The following STARD7 variants were observed in gnomAD, a reference collection of about 807,000 sequenced individuals.
STARD7 encodes stAR-related lipid transfer protein 7, mitochondrial.
Under a neutral mutation model 45.3 loss-of-function variants are expected in STARD7, and 30 were observed. The observed-to-expected ratio is 0.66, with a 90% confidence interval of 0.50 to 0.90. The LOEUF (loss-of-function observed/expected upper bound fraction) is 0.90, where lower values mean the gene tolerates loss of function less well. STARD7 is among the 40% of genes least tolerant of loss of function. The pLI is 0.00. For synonymous variants in STARD7, 199 were observed against 183.0 expected (o/e 1.09, Z -0.70); for missense variants, 495 against 491.3 (o/e 1.01, Z -0.07).
chr2:96,188,260 CCAAGA>C (rs1683067880), intron 6 of STARD7: 1 of 135,480 alleles, frequency 7.4e-6, no homozygotes, highest in Admixed American at 7.9e-5. Flanking sequence ...GGGTGACAGA[CCAAGA>C]CTTTTTTTTT....
Position 96,186,756 on chromosome 2 carries a change from C to T in STARD7, c.1087G>A (p.Gly363Ser), listed in dbSNP as rs1683043910. ...CAAGCATACTCAATCCGAGCAGGGCCACAGCTGCCCTCGTTCTTTCGCTCA... is the reference window on the plus strand; with the variant it reads ...CAAGCATACTCAATCCGAGCAGGGCTACAGCTGCCCTCGTTCTTTCGCTCA... The part of the protein sequence containing the change: ...SSERKNEGSC[G>S]PARIEYA The change falls in exon 8 of 8, where the codon GGC becomes AGC. Residue 363 changes from glycine to serine, a missense_variant. Transcript: ENST00000337288. The T allele has an allele frequency of 6.2e-7, 1 of 1,612,696 alleles. No individual in the cohort carries two copies. Among genetic ancestry groups the T allele is most frequent in the South Asian group, 1.1e-5 (1 of 90,826 alleles).
rs1436909374 is a variant in STARD7, at chr2:96,208,260, C to A, written c.175G>T (p.Gly59Cys). The A allele has an allele frequency of 6.2e-7, 1 of 1,611,856 alleles. No individual in the cohort carries two copies. Among genetic ancestry groups the A allele is most frequent in the Non-Finnish European group, 8.5e-7 (1 of 1,179,440 alleles). The change falls in exon 1 of 8, where the codon GGC becomes TGC. Residue 59 changes from glycine (G) to cysteine (C), a missense_variant. By Grantham distance (159) the Gly-to-Cys change is radical. This residue lies in a region of STARD7 where 282 missense variants were observed against 220.1 expected (regional missense o/e 1.28). Transcript: ENST00000337288. ...CCGTGCAGCCGGCGCCAGAGGCGGC[C>A]GAGGAGAACGCGGCGTGAGCTCTCG... The part of the protein sequence containing the change: ...YSESSRRVLL[G>C]RLWRRLHGRP...
chr2:96,198,785 TATA>T (rs1683261473), intron 1 of STARD7, among the ~76,000 whole-genome samples: 1 of 152,228 alleles, frequency 6.6e-6, no homozygotes, highest in Admixed American at 6.5e-5. Context: ...AACTTATGCC[TATA>T]TTTTCTTCTA....
At chr2:96,206,419 G>C (rs1029351337) in intron 1 of STARD7, among the ~76,000 whole-genome samples, 2 of 152,022 alleles carry the variant, frequency 1.3e-5, no homozygotes, top group African/African-American at 4.8e-5. Context: ...ATTCCAACTG[G>C]AGATTTTCCT....
intron 6 of STARD7, among the ~76,000 whole-genome samples, chr2:96,190,212 G>A (rs1683104194): frequency 6.6e-6 from 1 of 152,112 alleles, no homozygotes; most frequent in South Asian, 2.1e-4. Flanking sequence ...AAGCAAGACA[G>A]CTTCTGGGGT....
In STARD7 at chr2:96,184,908, G is replaced by A. The variant is rs1181751504; in HGVS notation, c.*1822C>T. 2 of 152,614 alleles carry A rather than the reference G, an allele frequency of 1.3e-5. No homozygotes were observed. Among genetic ancestry groups the A allele is most frequent in the African/African-American group, 2.4e-5 (1 of 41,446 alleles). 9.5% of individuals were successfully genotyped at this position (152,614 alleles called of 1,614,324 possible). On this transcript the variant is annotated 3_prime_UTR_variant, in exon 8 of 8. Transcript: ENST00000337288. The stretch of plus-strand genomic sequence containing the variant: ...ATTTATTCACACATTTGATAAAAAT[G>A]TCACAGTTAGGAGTGAAATCATTAC...
chr2:96,206,685 C>CA (rs1683395789), intron 1 of STARD7, among the ~76,000 whole-genome samples: 1 of 151,386 alleles, frequency 6.6e-6, no homozygotes, highest in Non-Finnish European at 1.5e-5. Flanking sequence ...CCTGTAGTCC[C>CA]AGCTACTCGG....
At position 96,208,290 on chromosome 2, in the gene STARD7, A is replaced by G. The variant is rs1487845912; in HGVS notation, c.145T>C (p.Tyr49His). The change falls in exon 1 of 8, where the codon TAC (tyrosine) becomes CAC (histidine). Residue 49 changes from tyrosine (Y) to histidine (H), a missense_variant. This residue lies in a region of STARD7 where 282 missense variants were observed against 220.1 expected (regional missense o/e 1.28). Transcript: ENST00000337288. Reference sequence around the variant, plus strand: ...AGAACGCGGCGTGAGCTCTCGGAGTAGAGGCGGCCGTAGAGCTGCGCGATC... The same window carrying G: ...AGAACGCGGCGTGAGCTCTCGGAGTGGAGGCGGCCGTAGAGCTGCGCGATC... ...QQIAQLYGRL[Y>H]SESSRRVLLG... 1 of 1,610,490 alleles carries G rather than the reference A, an allele frequency of 6.2e-7. No homozygotes were observed. The highest frequency in any genetic ancestry group is 8.5e-7 in the Non-Finnish European group (1 of 1,179,088).
intron 3 of STARD7, among the ~76,000 whole-genome samples, chr2:96,194,394 GTTC>G (rs1439158741): frequency 2.6e-5 from 4 of 151,784 alleles, no homozygotes; most frequent in African/African-American, 7.3e-5. Flanking sequence ...CTATGGAAAT[GTTC>G]TTGATTTGAG....
At chr2:96,194,679 A>T (rs887786356) in intron 3 of STARD7, among the ~76,000 whole-genome samples, 15 of 152,244 alleles carry the variant, frequency 9.9e-5, no homozygotes, top group Non-Finnish European at 1.8e-4. Flanking sequence ...TTGGGGAAAA[A>T]AACAATAAAG....
At chr2:96,199,308 G>A (rs569070373) in intron 1 of STARD7, among the ~76,000 whole-genome samples, 1 of 152,310 alleles carries the variant, frequency 6.6e-6, no homozygotes, top group East Asian at 1.9e-4. Context: ...TCTAATCCAT[G>A]AACACGGGAT....
In STARD7 at chr2:96,208,578, G is replaced by A. The variant is rs144879606; in HGVS notation, c.-144C>T. ...CGCGGCCAGGAGCCGCCGCTCATCTGTCTCTGCAGCCACCGCTGAGGAAGA... is the reference window on the plus strand; with the variant it reads ...CGCGGCCAGGAGCCGCCGCTCATCTATCTCTGCAGCCACCGCTGAGGAAGA... On this transcript the variant is annotated 5_prime_UTR_variant, in exon 1 of 8. Transcript: ENST00000337288. 3 of 646,636 alleles carry A rather than the reference G, an allele frequency of 4.6e-6. No homozygotes were observed. Among genetic ancestry groups the A allele is most frequent in the Non-Finnish European group, 7.1e-6 (3 of 421,692 alleles). 40.1% of individuals were successfully genotyped at this position (646,636 alleles called of 1,614,324 possible).
At chr2:96,188,266 CTTTTTTTTT>C (rs138935587) in intron 6 of STARD7, 2 of 56,790 alleles carry the variant, frequency 3.5e-5, no homozygotes, top group Non-Finnish European at 5.7e-5. Flanking sequence ...CAGACCAAGA[CTTTTTTTTT>C]TTTTTTTTTT....
At position 96,186,102 on chromosome 2, in the gene STARD7, A is replaced by C. The variant is rs1281031898; in HGVS notation, c.*628T>G. 6.6e-6 allele frequency: 1 copy of C among 152,258 alleles called. No homozygotes were observed. Among genetic ancestry groups the C allele is most frequent in the African/African-American group, 2.4e-5 (1 of 41,438 alleles). The allele number at this position is 152,258 out of a possible 1,614,324, so 9.4% of individuals were successfully genotyped here. On this transcript the variant is annotated 3_prime_UTR_variant, in exon 8 of 8. Coordinates refer to ENST00000337288, the MANE Select transcript of STARD7 (RefSeq NM_020151.4). ...TTTGTACAAATTCATGTCCCTGGCC[A>C]GGCATGGCCCAGGAGTTCAAGACCA...
Position 96,193,304 on chromosome 2 carries a change from C to G in STARD7, c.598G>C (p.Glu200Gln), listed in dbSNP as rs372858958. 2.0e-5 allele frequency: 33 copies of G among 1,613,822 alleles called. No individual in the cohort carries two copies. The highest frequency in any genetic ancestry group is 2.6e-5 in the Non-Finnish European group (31 of 1,179,846). Residue 200 changes from glutamate (E) to glutamine (Q), a missense_variant, in exon 4 of 8, where the codon GAG becomes CAG. This residue lies in a region of STARD7 where 213 missense variants were observed against 271.2 expected (regional missense o/e 0.79). Coordinates refer to ENST00000337288, the MANE Select transcript of STARD7 (RefSeq NM_020151.4). ...CTAACCACATCCCTCTCAATCACCT[C>G]CAGCTTGATTACCAGGGCATCCCAT... ...KKWDALVIKL[E>Q]VIERDVVSGS...
intron 7 of STARD7, 91 bp from the exon 8 acceptor site, chr2:96,187,005 T>C (rs1683047684): frequency 5.7e-6 from 7 of 1,225,828 alleles, no homozygotes; most frequent in Non-Finnish European, 8.0e-6. Flanking sequence ...GGTAGGGAAC[T>C]AGTTCTTCCT....
In STARD7 at chr2:96,187,258, G is replaced by T; in HGVS notation, c.887C>A (p.Thr296Lys). ...YLLTYSDNPQ[T>K]VFPRYCVSWM... is the part of the protein sequence containing the mutation. The stretch of plus-strand genomic sequence containing the variant: ...ACTAACACAGTAGCGAGGAAACACC[G>T]TTTGGGGATTGTCACTGTATGTTAG... Residue 296 changes from threonine (T) to lysine (K), a missense_variant, in exon 7 of 8, where the codon ACG (threonine) becomes AAG (lysine). Coordinates refer to ENST00000337288, the MANE Select transcript of STARD7 (RefSeq NM_020151.4). 6.2e-7 allele frequency: 1 copy of T among 1,613,852 alleles called. No individual in the cohort carries two copies. Among genetic ancestry groups the T allele is most frequent in the South Asian group, 1.1e-5 (1 of 91,070 alleles).
chr2:96,203,412 G>A (rs1222895781), intron 1 of STARD7, among the ~76,000 whole-genome samples: 1 of 152,192 alleles, frequency 6.6e-6, no homozygotes, highest in Non-Finnish European at 1.5e-5. Flanking sequence ...ATCTGAAAAA[G>A]GCTGGACCGA....
rs185655203 is a variant in STARD7, at chr2:96,197,697, C to T, written c.291-2148G>A. On this transcript the variant is annotated intron_variant, in intron 1 of 7. Coordinates refer to ENST00000337288, the MANE Select transcript of STARD7 (RefSeq NM_020151.4). The stretch of plus-strand genomic sequence containing the variant: ...TAATTCCAGAACATTTTTATCACCC[C>T]CAAAAGAAACCTCTATCTATCATTA... 4.9e-4 allele frequency among the ~76,000 whole-genome samples: 75 copies of T among 152,278 alleles called. 1 individual carries two copies. The highest frequency in any genetic ancestry group is 8.5e-4 in the Admixed American group (13 of 15,298).
Sources: allele counts gnomAD v4.1 joint callset (sites outside exome capture counted in the v4.1 genomes callset), GRCh38; gene constraint gnomAD v4.1.1; regional missense constraint gnomAD v4.1.1; transcripts MANE v1.5; gene names NCBI Gene and HGNC (gene_info 2026-07-23, HGNC 2026-07-21).